The following PRELID2 variants were observed in gnomAD, a reference collection of about 807,000 sequenced individuals.
PRELID2 encodes the protein PRELI domain-containing protein 2.
Under a neutral mutation model 28.4 loss-of-function variants are expected in PRELID2, and 25 were observed. The observed-to-expected ratio is 0.88, with a 90% CI of 0.64 to 1.23. The LOEUF (loss-of-function observed/expected upper bound fraction) is 1.23, where lower values mean the gene tolerates loss of function less well. PRELID2 is among the 50% of genes most tolerant of loss of function. The pLI is 0.00. For missense variants in PRELID2, 201 were observed against 214.4 expected (o/e 0.94, Z 0.39); for synonymous variants, 76 against 71.6 (o/e 1.06, Z -0.31).
chr5:145,443,457 C>A, the PRELID2 span, among the ~76,000 whole-genome samples: 1 of 151,956 alleles, frequency 6.6e-6, no homozygotes, highest in Admixed American at 6.6e-5. Flanking sequence ...ATAGAACGCT[C>A]AATTGGCCAA....
At chr5:145,542,154 C>A (rs1049328019) in intron 1 of PRELID2, among the ~76,000 whole-genome samples, 11 of 152,052 alleles carry the variant, frequency 7.2e-5, no homozygotes, top group African/African-American at 2.7e-4. Context: ...TCCAGTCATG[C>A]CCTAAATAGG....
At chr5:145,817,711 C>CT (rs1754468997) in intron 4 of PRELID2, among the ~76,000 whole-genome samples, 183 bp downstream of exon 4, 1 of 151,922 alleles carries the variant, frequency 6.6e-6, no homozygotes, top group Non-Finnish European at 1.5e-5. Flanking sequence ...AAGGTGAACT[C>CT]TATCATTTCC....
chr5:145,544,519 A>G (rs561469292), intron 1 of PRELID2, among the ~76,000 whole-genome samples: 4 of 152,254 alleles, frequency 2.6e-5, no homozygotes, highest in Admixed American at 1.3e-4. Context: ...AATTTAGTTC[A>G]GTGGAGTCCA....
At chr5:145,649,198 G>A (rs1191106874) in intron 1 of PRELID2, among the ~76,000 whole-genome samples, 1 of 152,142 alleles carries the variant, frequency 6.6e-6, no homozygotes, top group African/African-American at 2.4e-5. Context: ...GAGATGACTA[G>A]CATGAGGGAA....
chr5:145,505,547 T>A (rs1752403863), intron 1 of PRELID2, among the ~76,000 whole-genome samples: 1 of 152,208 alleles, frequency 6.6e-6, no homozygotes, highest in Non-Finnish European at 1.5e-5. Context: ...CATTTTGATC[T>A]TTTCAAAATA....
the PRELID2 span, among the ~76,000 whole-genome samples, chr5:145,439,231 C>T: frequency 2.6e-5 from 4 of 152,090 alleles, no homozygotes; most frequent in East Asian, 7.7e-4. Context: ...TGGTTGCCAA[C>T]ATTTAAGAAT....
At chr5:145,686,072 CT>C (rs1755032736) in intron 1 of PRELID2, among the ~76,000 whole-genome samples, 1 of 152,146 alleles carries the variant, frequency 6.6e-6, no homozygotes, top group Non-Finnish European at 1.5e-5. Context: ...TCTCTTCTGC[CT>C]TTGTTATTCA....
At chr5:145,429,348 C>T in the PRELID2 span, among the ~76,000 whole-genome samples, 4 of 152,190 alleles carry the variant, frequency 2.6e-5, no homozygotes, top group South Asian at 2.1e-4. Flanking sequence ...AAGATGACTT[C>T]GAGGTTTGTG....
intron 1 of PRELID2, among the ~76,000 whole-genome samples, chr5:145,531,143 A>C (rs530626060): frequency 6.6e-6 from 1 of 152,218 alleles, no homozygotes; most frequent in South Asian, 2.1e-4. Flanking sequence ...GATGCTAGTC[A>C]TTTGTTGCAT....
chr5:145,292,355 C>A, the PRELID2 span, among the ~76,000 whole-genome samples: 5 of 150,250 alleles, frequency 3.3e-5, no homozygotes, highest in African/African-American at 9.7e-5. Flanking sequence ...CTACGGCTGA[C>A]TTATTTTATG....
intron 1 of PRELID2, among the ~76,000 whole-genome samples, chr5:145,588,408 C>T (rs894203761): frequency 2.0e-5 from 3 of 152,044 alleles, no homozygotes; most frequent in Non-Finnish European, 4.4e-5. Context: ...AAGAAAACTC[C>T]TATTCCCTCA....
At chr5:145,265,588 C>G in the PRELID2 span, among the ~76,000 whole-genome samples, 1 of 152,042 alleles carries the variant, frequency 6.6e-6, no homozygotes, top group Non-Finnish European at 1.5e-5. Context: ...TCCATAGTCA[C>G]CAAAAGAGCA....
rs34302691 is a variant in PRELID2, at chr5:145,528,690, TACACACACACACAC to T, written n.71-55389_71-55376del. On this transcript the variant is annotated intron_variant and non_coding_transcript_variant, in intron 1 of 2. Transcript: ENST00000510259. ...TGGGCCGTTTCACTTCATTCTAAAC[TACACACACACACAC>T]ACACACACACACACACACACACAGA... Among the ~76,000 whole-genome samples, 188 of 129,762 alleles carry T rather than the reference TACACACACACACAC, an allele frequency of 1.4e-3. 1 individual carries two copies. Among genetic ancestry groups the T allele is most frequent in the African/African-American group, 5.1e-3 (174 of 34,026 alleles). The allele number at this position is 129,762 out of a possible 152,430, so 85.1% of individuals were successfully genotyped here. A position where few individuals can be genotyped will look rare whatever the true frequency, so the allele number is the denominator to read the frequency against.
intron 1 of PRELID2, among the ~76,000 whole-genome samples, chr5:145,702,102 GT>G (rs1331329310): frequency 6.6e-6 from 1 of 151,796 alleles, no homozygotes; most frequent in Non-Finnish European, 1.5e-5. Flanking sequence ...TATATTTAAT[GT>G]TTTTATTAAT....
At chr5:145,326,959 G>T in the PRELID2 span, among the ~76,000 whole-genome samples, 3 of 149,986 alleles carry the variant, frequency 2.0e-5, no homozygotes, top group African/African-American at 7.4e-5. Flanking sequence ...GAGTTGGGTC[G>T]TAATCCCAAA....
chr5:145,802,402 T>C (rs915552585), intron 4 of PRELID2, among the ~76,000 whole-genome samples: 3 of 152,160 alleles, frequency 2.0e-5, no homozygotes, highest in Non-Finnish European at 4.4e-5. Context: ...TTTTTCTTCA[T>C]TGAATCCTCA....
the PRELID2 span, among the ~76,000 whole-genome samples, chr5:145,376,260 G>A: frequency 6.6e-6 from 1 of 152,148 alleles, no homozygotes; most frequent in Non-Finnish European, 1.5e-5. Flanking sequence ...GATCTTGATG[G>A]ATAAGCTCTT....
chr5:145,559,113 G>T (rs960706960), intron 1 of PRELID2, among the ~76,000 whole-genome samples: 1 of 152,038 alleles, frequency 6.6e-6, no homozygotes, highest in African/African-American at 2.4e-5. Context: ...AAATTAGCCG[G>T]GCGTAGTGGC....
At position 145,592,606 on chromosome 5, in the gene PRELID2, C is replaced by T. The variant is rs150066826; in HGVS notation, n.71-119291G>A. On this transcript the variant is annotated intron_variant and non_coding_transcript_variant, in intron 1 of 2. Coordinates refer to the PRELID2 transcript ENST00000510259. ...GGAAACAAATGTATTTACATCATTGCTTATATTTTTTAAAAAGTGAAAATC... is the reference window on the plus strand; with the variant it reads ...GGAAACAAATGTATTTACATCATTGTTTATATTTTTTAAAAAGTGAAAATC... Among the ~76,000 whole-genome samples, 1,022 of 152,090 alleles carry T rather than the reference C, an allele frequency of 6.7e-3. 6 individuals carry two copies. Among genetic ancestry groups the T allele is most frequent in the Non-Finnish European group, 9.2e-3 (623 of 67,986 alleles).
Sources: allele counts gnomAD v4.1 joint callset (sites outside exome capture counted in the v4.1 genomes callset), GRCh38; gene constraint gnomAD v4.1.1; transcripts MANE v1.5; gene names NCBI Gene and HGNC (gene_info 2026-07-23, HGNC 2026-07-21).